Variants in PLEKHG1 observed in about 807,000 individuals in gnomAD.
PLEKHG1 encodes pleckstrin homology and RhoGEF domain containing G1.
A neutral mutation model predicts 100.8 loss-of-function variants in PLEKHG1; 44 were observed. The observed-to-expected ratio is 0.44, with a 90% confidence interval of 0.34 to 0.56. PLEKHG1 has a LOEUF of 0.56. Ranked by LOEUF, PLEKHG1 falls within the 20% of genes least tolerant of loss-of-function variation. The pLI, the probability that PLEKHG1 is intolerant of heterozygous loss-of-function variation, is 0.01. For missense variants in PLEKHG1, 1,545 were observed against 1,720.9 expected, an observed-to-expected ratio of 0.90 and a Z score of 1.81; for synonymous variants, 640 against 662.5, an observed-to-expected ratio of 0.97 and a Z score of 0.52.
chr6:150,790,987 C>T (rs146108549), intron 4 of PLEKHG1, among the ~76,000 whole-genome samples: 2,159 of 152,244 alleles, frequency 0.014, 22 homozygotes, highest in Non-Finnish European at 0.021. Context: ...CGTGCCACTG[C>T]ACTCCAAGCC....
At chr6:150,674,264 T>C (rs778144517) in intron 3 of PLEKHG1, among the ~76,000 whole-genome samples, 20 of 149,820 alleles carry the variant, frequency 1.3e-4, no homozygotes, top group Non-Finnish European at 2.2e-4. Flanking sequence ...TGACCCAGTT[T>C]AGGAAAAAAA....
chr6:150,792,009 T>C (rs919357852), intron 4 of PLEKHG1, among the ~76,000 whole-genome samples: 1 of 152,168 alleles, frequency 6.6e-6, no homozygotes, highest in Non-Finnish European at 1.5e-5. Flanking sequence ...GTTAGCATCA[T>C]TGAGAAATGG....
In PLEKHG1 at chr6:150,828,097, A is replaced by C. The variant is rs1372095985; in HGVS notation, c.1471-2485A>C. The stretch of plus-strand genomic sequence containing the variant: ...CTTGCCAGGAAGTTTCCTGATGTCA[A>C]ATTTATCAAAGCCATTTCAACAACC... On this transcript the variant is annotated intron_variant, in intron 14 of 15. Transcript: ENST00000358517. 6 of 1,613,080 alleles carry C rather than the reference A, an allele frequency of 3.7e-6. No individual in the cohort carries two copies. In the East Asian group the frequency reaches 1.3e-4, roughly 36 times the overall value.
intron 3 of PLEKHG1, among the ~76,000 whole-genome samples, chr6:150,701,417 T>TTATATATATATATA (rs56982419): frequency 5.8e-4 from 18 of 31,154 alleles, no homozygotes; most frequent in Non-Finnish European, 7.1e-4. Context: ...CAGTAATTCT[T>TTATATATATATATA]TATATATATA....
At chr6:150,675,739 G>A (rs139746271) in intron 3 of PLEKHG1, among the ~76,000 whole-genome samples, 1,537 of 152,242 alleles carry the variant, frequency 0.01, 25 homozygotes, top group South Asian at 0.07. Flanking sequence ...CACCTGCCTC[G>A]GCTTCCCGAA....
chr6:150,803,775 C>T (rs754487800), intron 6 of PLEKHG1, among the ~76,000 whole-genome samples: 7 of 151,952 alleles, frequency 4.6e-5, no homozygotes, highest in Non-Finnish European at 8.8e-5. Flanking sequence ...AGATAGTTTT[C>T]GCTATATTTT....
chr6:150,782,812 A>G (rs180924519), intron 3 of PLEKHG1, among the ~76,000 whole-genome samples: 2 of 152,330 alleles, frequency 1.3e-5, no homozygotes, highest in Admixed American at 6.5e-5. Context: ...AACACCACAC[A>G]ATAAACTCCA....
At position 150,831,371 on chromosome 6, in the gene PLEKHG1, G is replaced by T. The variant is rs779551460; in HGVS notation, c.2260G>T (p.Gly754Cys). The change falls in exon 15 of 16, where the codon GGT becomes TGT. Residue 754 changes from glycine (G) to cysteine (C), a missense_variant. By Grantham distance (159) the Gly-to-Cys change is radical. Coordinates refer to ENST00000358517, the Ensembl canonical transcript of PLEKHG1. This position sits in a 1 kb window ranked among gnomAD's most constrained non-coding sequence, Gnocchi z 4.1. Reference sequence around the variant, plus strand: ...AGGGCTCCCAGATCCTCCGTCGCTGGGTTTTAAGTGCAGCAGCCTAAAGCG... The same window carrying T: ...AGGGCTCCCAGATCCTCCGTCGCTGTGTTTTAAGTGCAGCAGCCTAAAGCG... The T allele has an allele frequency of 1.9e-6, 3 of 1,614,052 alleles. No individual in the cohort carries two copies. The highest frequency in any genetic ancestry group is 2.5e-6 in the Non-Finnish European group (3 of 1,180,014).
At chr6:150,769,047 CT>C (rs1784585206) in intron 3 of PLEKHG1, among the ~76,000 whole-genome samples, 2 of 152,132 alleles carry the variant, frequency 1.3e-5, no homozygotes, top group Non-Finnish European at 2.9e-5. Context: ...CTTGCTTAGT[CT>C]CCAGGATCCC....
intron 3 of PLEKHG1, among the ~76,000 whole-genome samples, chr6:150,685,785 G>A (rs1420008735): frequency 6.6e-6 from 1 of 152,150 alleles, no homozygotes; most frequent in East Asian, 1.9e-4. Flanking sequence ...CGGGGAATTT[G>A]CCTACCTCCT....
intron 10 of PLEKHG1, among the ~76,000 whole-genome samples, chr6:150,815,151 C>A (rs964334284): frequency 6.6e-6 from 1 of 152,162 alleles, no homozygotes; most frequent in Admixed American, 6.5e-5. Flanking sequence ...CTAAAGTTTT[C>A]AAAATGTATT....
intron 3 of PLEKHG1, among the ~76,000 whole-genome samples, chr6:150,695,742 C>T (rs1037374773): frequency 1.3e-5 from 2 of 152,150 alleles, no homozygotes; most frequent in Non-Finnish European, 2.9e-5. Flanking sequence ...AAAAGCCATG[C>T]ACACCCAAAT....
intron 3 of PLEKHG1, among the ~76,000 whole-genome samples, chr6:150,781,473 C>A (rs918651835): frequency 2.6e-5 from 4 of 151,452 alleles, no homozygotes; most frequent in Non-Finnish European, 5.9e-5. Flanking sequence ...CCATTGCACT[C>A]CAGCCTGGGA....
intron 3 of PLEKHG1, among the ~76,000 whole-genome samples, chr6:150,715,414 G>A (rs961138133): frequency 2.0e-5 from 3 of 152,110 alleles, no homozygotes; most frequent in Middle Eastern, 3.2e-3. Flanking sequence ...GTTCTTCTGA[G>A]GGACTTCAGT....
chr6:150,774,311 G>C lies in PLEKHG1; in HGVS notation c.512+5573G>C, dbSNP rs147703455. On this transcript the variant is annotated intron_variant, in intron 3 of 15. Transcript: ENST00000358517. Reference sequence around the variant, plus strand: ...AAGTGTGATGTTTGCTATGGATTTAGACAAACACTTTTTTCCTCTTTTGCT... The same window carrying C: ...AAGTGTGATGTTTGCTATGGATTTACACAAACACTTTTTTCCTCTTTTGCT... Among the ~76,000 whole-genome samples the C allele has an allele frequency of 1.1e-3, 164 of 152,230 alleles. 1 individual carries two copies. The highest frequency in any genetic ancestry group is 2.0e-3 in the Non-Finnish European group (135 of 68,014).
intron 2 of PLEKHG1, among the ~76,000 whole-genome samples, chr6:150,734,576 T>C (rs1042868307): frequency 6.6e-6 from 1 of 151,944 alleles, no homozygotes; most frequent in Non-Finnish European, 1.5e-5. Flanking sequence ...GGGGCTTGGG[T>C]GGTGGAATTG....
In PLEKHG1 at chr6:150,650,154, C is replaced by T. The variant is rs570015730; in HGVS notation, c.-157-574C>T. Among the ~76,000 whole-genome samples, 284 of 151,606 alleles carry T rather than the reference C, an allele frequency of 1.9e-3. 6 individuals carry two copies. Among genetic ancestry groups the T allele is most frequent in the East Asian group, 9.7e-4 (5 of 5,170 alleles). On this transcript the variant is annotated intron_variant, in intron 2 of 3. Transcript: ENST00000367326. ...CAGATGTAAGCCTCACCCCAATGAGCTCGACCCCTCAACTCTCTTGCACTG... is the reference window on the plus strand; with the variant it reads ...CAGATGTAAGCCTCACCCCAATGAGTTCGACCCCTCAACTCTCTTGCACTG...
chr6:150,776,605 G>A lies in PLEKHG1; in HGVS notation c.512+7867G>A, dbSNP rs113089757. On this transcript the variant is annotated intron_variant, in intron 3 of 15. Transcript: ENST00000358517. Reference sequence around the variant, plus strand: ...GTTGCACATTACTCACACTGATGCAGTCCTGGTGCACATGTGCGGTTGCAC... The same window carrying A: ...GTTGCACATTACTCACACTGATGCAATCCTGGTGCACATGTGCGGTTGCAC... Among the ~76,000 whole-genome samples, 69 of 123,432 alleles carry A rather than the reference G, an allele frequency of 5.6e-4. 8 individuals carry two copies. The highest frequency in any genetic ancestry group is 0.011 in the Middle Eastern group (2 of 186). 81.0% of individuals were successfully genotyped at this position (123,432 alleles called of 152,430 possible).
At chr6:150,750,378 C>T (rs558360852) in intron 2 of PLEKHG1, among the ~76,000 whole-genome samples, 26 of 152,308 alleles carry the variant, frequency 1.7e-4, no homozygotes, top group Admixed American at 3.3e-4. Flanking sequence ...CCTGGGCTAG[C>T]GAAATCCCAG....
Sources: allele counts gnomAD v4.1 joint callset (sites outside exome capture counted in the v4.1 genomes callset), GRCh38; gene constraint gnomAD v4.1.1; non-coding constraint Gnocchi (gnomAD v3.1); transcripts MANE v1.5; gene names NCBI Gene and HGNC (gene_info 2026-07-23, HGNC 2026-07-21).